The following AAK1 variants were observed in gnomAD, a reference collection of about 807,000 sequenced individuals.
AAK1 encodes the protein AP2-associated protein kinase 1.
Under a neutral mutation model 116.0 loss-of-function variants are expected in AAK1, and 37 were observed. That is an observed-to-expected ratio of 0.32 (90% CI 0.25 to 0.42). The LOEUF is 0.42. Ranked by LOEUF, AAK1 falls within the 10% of genes least tolerant of loss-of-function variation. AAK1 has a pLI of 1.00. For synonymous variants in AAK1, 458 were observed against 439.9 expected (o/e 1.04, Z -0.51); for missense variants, 919 against 1,170.6 (o/e 0.79, Z 3.14).
At chr2:69,600,399 TAGG>T (rs1345276896) in intron 2 of AAK1, among the ~76,000 whole-genome samples, 1 of 151,528 alleles carries the variant, frequency 6.6e-6, no homozygotes, top group East Asian at 1.9e-4. Flanking sequence ...CCAACATTAA[TAGG>T]AGTTTGGAAG....
At chr2:69,531,710 TA>T in intron 6 of AAK1, 1 of 1,042,782 alleles carries the variant, frequency 9.6e-7, no homozygotes, top group Non-Finnish European at 1.2e-6. Flanking sequence ...TGATCATACT[TA>T]AAAACATGCT....
At chr2:69,582,400 TGTGTGTGCGC>T (rs1239410176) in intron 2 of AAK1, among the ~76,000 whole-genome samples, 6 of 151,984 alleles carry the variant, frequency 3.9e-5, no homozygotes, top group East Asian at 3.9e-4. Flanking sequence ...TGTGTGTGCG[TGTGTGTGCGC>T]GTGTGTGTGC....
At chr2:69,617,545 C>G (rs906878733) in intron 2 of AAK1, among the ~76,000 whole-genome samples, 2 of 152,204 alleles carry the variant, frequency 1.3e-5, no homozygotes, top group African/African-American at 4.8e-5. Context: ...AGAACCTAAC[C>G]ATACCCTCAA....
At chr2:69,623,014 G>A (rs1378909997) in intron 2 of AAK1, among the ~76,000 whole-genome samples, 4 of 152,050 alleles carry the variant, frequency 2.6e-5, no homozygotes, top group African/African-American at 9.7e-5. Context: ...AGACATCAGT[G>A]GCAACCCACT....
intron 2 of AAK1, among the ~76,000 whole-genome samples, chr2:69,607,832 C>T (rs188957551): frequency 6.6e-6 from 1 of 152,274 alleles, no homozygotes; most frequent in African/African-American, 2.4e-5. Flanking sequence ...GACATATGTG[C>T]TACAGCAGGG....
chr2:69,468,140 A>G lies in AAK1; in HGVS notation c.*7729T>C. The G allele has an allele frequency of 1.0e-6, 1 of 985,232 alleles. No individual in the cohort carries two copies. The highest frequency in any genetic ancestry group is 1.2e-6 in the Non-Finnish European group (1 of 829,748). 61.0% of individuals were successfully genotyped at this position (985,232 alleles called of 1,614,324 possible). On this transcript the variant is annotated 3_prime_UTR_variant, in exon 22 of 22. Transcript: ENST00000409085. ...TTGAAAAGAATAAATTTTTCCTTGTATTATAATTTTAGTATGTGCAGCTAC... is the reference window on the plus strand; with the variant it reads ...TTGAAAAGAATAAATTTTTCCTTGTGTTATAATTTTAGTATGTGCAGCTAC...
chr2:69,534,652 A>G, intron 5 of AAK1, among the ~76,000 whole-genome samples: 1 of 152,252 alleles, frequency 6.6e-6, no homozygotes, highest in East Asian at 1.9e-4. Context: ...CAAAATCTAC[A>G]GAACTTACTG....
intron 2 of AAK1, among the ~76,000 whole-genome samples, chr2:69,595,304 C>A (rs910023364): frequency 6.6e-6 from 1 of 152,060 alleles, no homozygotes. Flanking sequence ...TTAGTAGAGA[C>A]GGGGTTTCAC....
At chr2:69,523,385 A>G (rs530862033) in intron 10 of AAK1, among the ~76,000 whole-genome samples, 1 of 152,368 alleles carries the variant, frequency 6.6e-6, no homozygotes, top group South Asian at 2.1e-4. Flanking sequence ...TTTATTAAAA[A>G]TCAAAGTCTC....
chr2:69,565,014 G>A (rs1671803847), intron 2 of AAK1, among the ~76,000 whole-genome samples: 1 of 152,120 alleles, frequency 6.6e-6, no homozygotes. Context: ...ATATCTTCTC[G>A]AGATCAAGAG....
intron 2 of AAK1, among the ~76,000 whole-genome samples, chr2:69,560,341 C>T (rs551971819): frequency 2.7e-4 from 41 of 152,298 alleles, no homozygotes; most frequent in South Asian, 2.1e-4. Flanking sequence ...CAGGCTATTA[C>T]GGAAGGAGGC....
At chr2:69,519,288 A>G in intron 11 of AAK1, 48 bp from the exon 12 acceptor site, 1 of 1,474,202 alleles carries the variant, frequency 6.8e-7, no homozygotes, top group East Asian at 2.5e-5. Context: ...GCTTCCACAC[A>G]AAAATGGCTT....
At chr2:69,637,079 T>G (rs898480203) in intron 2 of AAK1, among the ~76,000 whole-genome samples, 1 of 152,236 alleles carries the variant, frequency 6.6e-6, no homozygotes, top group African/African-American at 2.4e-5. Context: ...ACTAGTAGAT[T>G]ATCGCTATCT....
At chr2:69,618,934 T>C (rs890103853) in intron 2 of AAK1, among the ~76,000 whole-genome samples, 13 of 152,142 alleles carry the variant, frequency 8.5e-5, no homozygotes, top group Non-Finnish European at 1.8e-4. Flanking sequence ...CAGTCCTCCA[T>C]GCTCTGACTC....
At chr2:69,518,164 A>G (rs1367692233) in intron 12 of AAK1, among the ~76,000 whole-genome samples, 1 of 152,222 alleles carries the variant, frequency 6.6e-6, no homozygotes, top group African/African-American at 2.4e-5. Context: ...GAATACATTC[A>G]TAGTAAAAAA....
intron 3 of AAK1, among the ~76,000 whole-genome samples, chr2:69,545,709 G>T (rs1282038643): frequency 3.3e-5 from 5 of 152,208 alleles, no homozygotes; most frequent in Admixed American, 6.5e-5. Flanking sequence ...AATGACTATT[G>T]CCTCAGAAAT....
In AAK1 at chr2:69,472,592, C is replaced by T; in HGVS notation, c.*3277G>A. ...TTATAATCATACTTAGAAGTGTCCA[C>T]TTAAGCCTTATCTCCTCTGAGGTAT... On this transcript the variant is annotated 3_prime_UTR_variant, in exon 22 of 22. Transcript: ENST00000409085. 1.0e-6 allele frequency: 1 copy of T among 982,598 alleles called. No individual in the cohort carries two copies. The highest frequency in any genetic ancestry group is 1.2e-6 in the Non-Finnish European group (1 of 827,412). 60.9% of individuals were successfully genotyped at this position (982,598 alleles called of 1,614,324 possible). A position where few individuals can be genotyped will look rare whatever the true frequency, so the allele number is the denominator to read the frequency against.
At chr2:69,605,383 A>G (rs1361535840) in intron 2 of AAK1, among the ~76,000 whole-genome samples, 1 of 152,144 alleles carries the variant, frequency 6.6e-6, no homozygotes, top group Non-Finnish European at 1.5e-5. Flanking sequence ...AACTAGTGGA[A>G]ACCCTAACCA....
intron 17 of AAK1, among the ~76,000 whole-genome samples, chr2:69,491,946 T>G (rs1675538574): frequency 6.6e-6 from 1 of 152,136 alleles, no homozygotes; most frequent in African/African-American, 2.4e-5. Flanking sequence ...GCTTTATTGA[T>G]CTGAGAACTG....
Sources: gnomAD v4.1 joint callset for allele counts (sites outside exome capture counted in the v4.1 genomes callset) on GRCh38, gnomAD v4.1.1 for gene constraint, MANE v1.5 for transcripts, NCBI Gene and HGNC (gene_info 2026-07-23, HGNC 2026-07-21) for gene names.